Variants in RUNX1T1 observed in about 807,000 individuals in gnomAD.
RUNX1T1 encodes protein CBFA2T1.
In RUNX1T1, 4 loss-of-function variants were observed where a neutral mutation model predicts 62.8. The observed-to-expected ratio is 0.06, with a 90% CI of 0.03 to 0.15. The LOEUF (loss-of-function observed/expected upper bound fraction) is 0.15, where lower values mean the gene tolerates loss of function less well. Ranked by LOEUF, RUNX1T1 falls within the 10% of genes least tolerant of loss-of-function variation. The pLI, the probability that RUNX1T1 is intolerant of heterozygous loss-of-function variation, is 1.00. For synonymous variants in RUNX1T1, 291 were observed against 286.0 expected, an observed-to-expected ratio of 1.02 and a Z score of -0.18; for missense variants, 508 against 754.3, an observed-to-expected ratio of 0.67 and a Z score of 3.82.
intron 1 of RUNX1T1, among the ~76,000 whole-genome samples, chr8:92,061,248 A>G (rs556936343): frequency 6.6e-6 from 1 of 152,236 alleles, no homozygotes. Context: ...ACGTTTATTA[A>G]CAGCATAAAA....
intron 1 of RUNX1T1, among the ~76,000 whole-genome samples, chr8:92,020,472 C>A (rs887034052): frequency 2.0e-5 from 3 of 151,968 alleles, no homozygotes; most frequent in South Asian, 4.2e-4. Flanking sequence ...TATGTAATTT[C>A]CATTTTTTAG....
intron 1 of RUNX1T1, chr8:92,094,905 T>G: frequency 1.4e-6 from 1 of 689,788 alleles, no homozygotes. Flanking sequence ...CCCTTCTTCA[T>G]CTAAAGGCTT....
At chr8:92,000,629 G>T (rs1161804922) in intron 5 of RUNX1T1, among the ~76,000 whole-genome samples, 1 of 152,110 alleles carries the variant, frequency 6.6e-6, no homozygotes, top group African/African-American at 2.4e-5. Flanking sequence ...GACCTATTCA[G>T]TTTAGTTGGT....
intron 1 of RUNX1T1, among the ~76,000 whole-genome samples, chr8:92,037,100 A>AT (rs1827567706): frequency 6.6e-6 from 1 of 152,132 alleles, no homozygotes; most frequent in Non-Finnish European, 1.5e-5. Context: ...AAAATTGATG[A>AT]TTTTCAACTG....
At chr8:91,970,304 T>G (rs890092893) in intron 10 of RUNX1T1, among the ~76,000 whole-genome samples, 5 of 152,082 alleles carry the variant, frequency 3.3e-5, no homozygotes, top group African/African-American at 9.7e-5. Flanking sequence ...TTACACAGTA[T>G]CTATTAAATC....
intron 5 of RUNX1T1, 32 bp downstream of exon 6, chr8:92,005,084 C>A: frequency 6.4e-7 from 1 of 1,559,256 alleles, no homozygotes; most frequent in Non-Finnish European, 8.7e-7. Flanking sequence ...GGAAAAAGGT[C>A]ATGGTTCATC....
At chr8:91,977,450 C>T (rs879541995) in intron 8 of RUNX1T1, 3 of 192,926 alleles carry the variant, frequency 1.6e-5, no homozygotes, top group East Asian at 8.3e-5. Flanking sequence ...ATTCTTAAGG[C>T]GAGATAAAAC....
At chr8:92,067,718 G>T (rs1198165819), upstream of RUNX1T1, among the ~76,000 whole-genome samples, 1 of 152,118 alleles carries the variant, frequency 6.6e-6, no homozygotes, top group African/African-American at 2.4e-5. Context: ...AGTTGTGTGT[G>T]CATTTATGTG....
At chr8:91,985,415 A>G (rs1187538265) in intron 8 of RUNX1T1, among the ~76,000 whole-genome samples, 1 of 152,206 alleles carries the variant, frequency 6.6e-6, no homozygotes, top group South Asian at 2.1e-4. Context: ...AGAAATAGTT[A>G]CATACTAACA....
intron 1 of RUNX1T1, among the ~76,000 whole-genome samples, chr8:92,041,819 GTT>G (rs578249455): frequency 5.1e-5 from 7 of 138,596 alleles, no homozygotes; most frequent in Non-Finnish European, 3.2e-5. Flanking sequence ...GAAGGGGTGG[GTT>G]TTTTTTTTTT....
At chr8:92,080,275 T>C (rs1835042651) in intron 1 of RUNX1T1, among the ~76,000 whole-genome samples, 1 of 152,226 alleles carries the variant, frequency 6.6e-6, no homozygotes, top group South Asian at 2.1e-4. Flanking sequence ...AACCTTTCCG[T>C]GGCTACTTCT....
chr8:92,005,540 G>C (rs1820592446), intron 4 of RUNX1T1: 1 of 470,168 alleles, frequency 2.1e-6, no homozygotes, highest in South Asian at 3.4e-5. Flanking sequence ...TTTCTTCACT[G>C]ATAACATTGC....
At chr8:92,102,419 AAAAG>A (rs1200969591), upstream of RUNX1T1, among the ~76,000 whole-genome samples, 2 of 150,854 alleles carry the variant, frequency 1.3e-5, no homozygotes, top group African/African-American at 4.9e-5. The surrounding 1 kb of genome is among the most constrained non-coding windows in gnomAD (Gnocchi z 4.5). Context: ...ACAGAAAAAG[AAAAG>A]AAAAAAAAAA....
At chr8:92,027,984 TTC>T (rs1825537055) in intron 1 of RUNX1T1, among the ~76,000 whole-genome samples, 1 of 150,716 alleles carries the variant, frequency 6.6e-6, no homozygotes, top group African/African-American at 2.4e-5. Context: ...ACAGAGATTT[TTC>T]TCTGTTTTGT....
chr8:92,015,184 C>T (rs1822755085), intron 2 of RUNX1T1, among the ~76,000 whole-genome samples: 1 of 152,202 alleles, frequency 6.6e-6, no homozygotes, highest in African/African-American at 2.4e-5. Context: ...ATCAATATAA[C>T]AGGACTATTC....
At chr8:92,064,342 C>T (rs1832547748), upstream of RUNX1T1, among the ~76,000 whole-genome samples, 1 of 152,170 alleles carries the variant, frequency 6.6e-6, no homozygotes, top group East Asian at 1.9e-4. Flanking sequence ...TTACTCTGTT[C>T]TGTCACTAAT....
At chr8:92,045,067 C>CAA (rs1367759745) in intron 1 of RUNX1T1, among the ~76,000 whole-genome samples, 20 of 62,668 alleles carry the variant, frequency 3.2e-4, no homozygotes, top group Admixed American at 1.1e-3. Context: ...ACTGGCTCTA[C>CAA]AAAAAAAAAA....
chr8:91,969,143 T>C (rs1473661262), intron 10 of RUNX1T1, among the ~76,000 whole-genome samples: 1 of 152,194 alleles, frequency 6.6e-6, no homozygotes, highest in Non-Finnish European at 1.5e-5. Context: ...CTGAATAACC[T>C]ATCACAGATA....
At chr8:92,005,410 G>A in intron 4 of RUNX1T1, 113 bp from the exon 6 acceptor site, 1 of 875,882 alleles carries the variant, frequency 1.1e-6, no homozygotes, top group East Asian at 2.8e-5. Flanking sequence ...TACATCAAAG[G>A]TCAAATGCAT....
Sources: allele counts gnomAD v4.1 joint callset (sites outside exome capture counted in the v4.1 genomes callset), GRCh38; gene constraint gnomAD v4.1.1; non-coding constraint Gnocchi (gnomAD v3.1); transcripts MANE v1.5; gene names NCBI Gene and HGNC (gene_info 2026-07-23, HGNC 2026-07-21).